Variants in SI observed in about 807,000 individuals in gnomAD.
SI encodes sucrase-isomaltase, also known as sucrase-isomaltase, intestinal.
In SI, 235 loss-of-function variants were observed where a neutral mutation model predicts 253.3. That is an observed-to-expected ratio of 0.93 (90% CI 0.83 to 1.03). The LOEUF is 1.03. SI is among the 50% of genes least tolerant of loss of function. The pLI, the probability that SI is intolerant of heterozygous loss-of-function variation, is 0.00. For missense variants in SI, 2,442 were observed against 2,211.1 expected (o/e 1.10, Z -2.09); for synonymous variants, 819 against 712.0 (o/e 1.15, Z -2.39).
upstream of SI, chr3:165,078,625 GT>G (rs1309117300): frequency 6.6e-6 from 1 of 151,724 alleles, no homozygotes; most frequent in Non-Finnish European, 1.5e-5. Flanking sequence ...CCTGAAAGTA[GT>G]TTACATAAAT....
At chr3:165,034,780 CCTAA>C (rs1409660807) in intron 22 of SI, among the ~76,000 whole-genome samples, 2 of 151,930 alleles carry the variant, frequency 1.3e-5, no homozygotes, top group Non-Finnish European at 2.9e-5. Context: ...AACTCCGTCT[CCTAA>C]CTGAGTAAAA....
intron 27 of SI, among the ~76,000 whole-genome samples, chr3:165,020,839 C>A (rs1385160400): frequency 6.6e-6 from 1 of 151,580 alleles, no homozygotes; most frequent in African/African-American, 2.4e-5. Flanking sequence ...ATTATTAATT[C>A]TATCAGATTC....
In SI at chr3:165,000,915, C is replaced by A. The variant is rs201330171; in HGVS notation, c.4407-2242G>T. ...GTGTGTTTATTATTGCCTACAGGAG[C>A]ATTTTCTTGAAATATATTTTAAAAA... On this transcript the variant is annotated intron_variant, in intron 37 of 47. Transcript: ENST00000264382. Among the ~76,000 whole-genome samples the A allele has an allele frequency of 4.0e-5, 6 of 151,200 alleles. No individual in the cohort carries two copies. The East Asian group carries it at 1.2e-3, about 29-fold the overall frequency.
chr3:165,041,881 C>T (rs1348418290), intron 17 of SI, among the ~76,000 whole-genome samples: 1 of 152,086 alleles, frequency 6.6e-6, no homozygotes, highest in Non-Finnish European at 1.5e-5. Flanking sequence ...AGTAAGAACA[C>T]CATGCAGGCC....
At chr3:165,047,093 C>CA in intron 15 of SI, 81 bp from the exon 16 acceptor site, 1 of 1,149,506 alleles carries the variant, frequency 8.7e-7, no homozygotes, top group Non-Finnish European at 1.2e-6. Flanking sequence ...TTCATAATTC[C>CA]AAAGCCATGT....
At chr3:165,035,658 G>A (rs1035067334) in intron 22 of SI, among the ~76,000 whole-genome samples, 4 of 151,274 alleles carry the variant, frequency 2.6e-5, no homozygotes, top group African/African-American at 4.8e-5. Flanking sequence ...ATACACCTGA[G>A]AAGTAGTTAA....
At chr3:165,036,302 T>C in intron 22 of SI, 87 bp downstream of exon 22, 1 of 868,908 alleles carries the variant, frequency 1.2e-6, no homozygotes, top group African/African-American at 1.7e-5. Flanking sequence ...ATTCGTGATA[T>C]TTAAAAAATG....
intron 37 of SI, among the ~76,000 whole-genome samples, chr3:165,003,453 G>A (rs2108148562): frequency 6.6e-6 from 1 of 152,092 alleles, no homozygotes; most frequent in Admixed American, 6.6e-5. Flanking sequence ...ATTGTTCAAT[G>A]CCAGTTTATT....
At chr3:165,064,465 TG>T (rs35497130) in intron 7 of SI, among the ~76,000 whole-genome samples, 2,426 of 152,236 alleles carry the variant, frequency 0.016, 68 homozygotes, top group African/African-American at 0.055. Flanking sequence ...AACTACTCAC[TG>T]GTTTATCTTT....
intron 37 of SI, among the ~76,000 whole-genome samples, chr3:165,001,434 A>G (rs1453362535): frequency 6.6e-6 from 1 of 151,544 alleles, no homozygotes; most frequent in Non-Finnish European, 1.5e-5. Flanking sequence ...TAGATCAGAA[A>G]ATGTAATATC....
intron 37 of SI, among the ~76,000 whole-genome samples, chr3:165,005,177 C>A (rs1446060781): frequency 1.3e-5 from 2 of 151,924 alleles, no homozygotes; most frequent in African/African-American, 4.8e-5. Flanking sequence ...TTTAAATTAC[C>A]CAGTCTCAGG....
rs1373719060 is a variant in SI, at chr3:165,015,275, A to C, written c.3889-42T>G. 3 of 1,360,594 alleles carry C rather than the reference A, an allele frequency of 2.2e-6. No individual in the cohort carries two copies. The African/African-American group carries it at 4.3e-5, about 19-fold the overall frequency. 84.3% of individuals were successfully genotyped at this position (1,360,594 alleles called of 1,614,324 possible). On this transcript the variant is annotated intron_variant, in intron 32 of 47. Coordinates refer to ENST00000264382, the MANE Select transcript of SI (RefSeq NM_001041.4). ...ATATAAACAAGGTACACATGAAAAA[A>C]GCGTAACTACTTGGACAGTGATTAT...
At chr3:164,992,847 T>C (rs1048781812) in intron 41 of SI, among the ~76,000 whole-genome samples, 2 of 151,888 alleles carry the variant, frequency 1.3e-5, no homozygotes, top group Non-Finnish European at 2.9e-5. Flanking sequence ...AAATAGTAGA[T>C]TTACATGTTC....
At chr3:165,087,815 T>C in the SI span, among the ~76,000 whole-genome samples, 1 of 152,194 alleles carries the variant, frequency 6.6e-6, no homozygotes, top group African/African-American at 2.4e-5. Flanking sequence ...CCTCCTTTAT[T>C]TACCTTATTC....
At chr3:165,015,338 G>GTAGTAA in intron 32 of SI, 105 bp from the exon 33 acceptor site, 1 of 763,876 alleles carries the variant, frequency 1.3e-6, no homozygotes, top group Non-Finnish European at 2.3e-6. Flanking sequence ...TCATAATAAT[G>GTAGTAA]TGCTCTCACA....
At chr3:165,022,382 T>C (rs911100965) in intron 26 of SI, among the ~76,000 whole-genome samples, 6 of 151,666 alleles carry the variant, frequency 4.0e-5, no homozygotes, top group African/African-American at 1.5e-4. Context: ...AGGCTTATGT[T>C]TAGTTTTCAC....
chr3:165,060,062 G>T, intron 9 of SI, 35 bp from the exon 10 acceptor site: 1 of 1,583,954 alleles, frequency 6.3e-7, no homozygotes, highest in Non-Finnish European at 8.7e-7. Context: ...AGTTTGAATA[G>T]AAATAAATAT....
At position 164,979,450 on chromosome 3, in the gene SI, A is replaced by T; in HGVS notation, c.5416-20T>A. ...TAATATCTAAAAAAGTAAAATAATA[A>T]TTAGTTGTTTAATCACAACCACATT... On this transcript the variant is annotated intron_variant, in intron 47 of 47. Transcript: ENST00000264382. The T allele has an allele frequency of 7.5e-7, 1 of 1,329,228 alleles. No individual in the cohort carries two copies. The highest frequency in any genetic ancestry group is 1.1e-6 in the Non-Finnish European group (1 of 925,174). 82.3% of individuals were successfully genotyped at this position (1,329,228 alleles called of 1,614,324 possible). A position where few individuals can be genotyped will look rare whatever the true frequency, so the allele number is the denominator to read the frequency against.
chr3:165,077,395 T>C (rs552827338), intron 1 of SI, among the ~76,000 whole-genome samples: 152 of 151,848 alleles, frequency 1.0e-3, no homozygotes, highest in African/African-American at 3.6e-3. Flanking sequence ...CTCAATTAGA[T>C]CGTTACATTC....
Sources: allele counts gnomAD v4.1 joint callset (sites outside exome capture counted in the v4.1 genomes callset), GRCh38; gene constraint gnomAD v4.1.1; transcripts MANE v1.5; gene names NCBI Gene and HGNC (gene_info 2026-07-23, HGNC 2026-07-21).